SETBP1: variants seen among roughly 807,000 people sequenced by gnomAD.
The protein encoded by SETBP1 is SET binding protein 1.
SETBP1 carries 9 observed loss-of-function variants against 101.0 expected under a neutral mutation model. That is an observed-to-expected ratio of 0.09 (90% confidence interval 0.05 to 0.16). SETBP1 has a LOEUF of 0.16. SETBP1 is among the 10% of genes least tolerant of loss of function. The pLI, the probability that SETBP1 is intolerant of heterozygous loss-of-function variation, is 1.00. For synonymous variants in SETBP1, 818 were observed against 788.5 expected (o/e 1.04, Z -0.63); for missense variants, 1,858 against 2,033.8 (o/e 0.91, Z 1.66).
At chr18:44,990,643 AC>A (rs1441236898) in intron 4 of SETBP1, among the ~76,000 whole-genome samples, 7 of 151,938 alleles carry the variant, frequency 4.6e-5, no homozygotes, top group South Asian at 2.1e-4. Context: ...CCAAAAAAAA[AC>A]ATACACACAC....
chr18:44,913,972 T>C (rs1349064826), intron 3 of SETBP1, among the ~76,000 whole-genome samples: 8 of 151,918 alleles, frequency 5.3e-5, no homozygotes, highest in Non-Finnish European at 8.8e-5. Context: ...GTGAGCCAAA[T>C]AATAATAATA....
intron 2 of SETBP1, among the ~76,000 whole-genome samples, chr18:44,839,137 A>C (rs1015857780): frequency 2.0e-4 from 30 of 151,992 alleles, no homozygotes; most frequent in Non-Finnish European, 1.9e-4. Flanking sequence ...TACAGGATAG[A>C]CAGATGAGAG....
intron 5 of SETBP1, among the ~76,000 whole-genome samples, chr18:45,043,158 C>T (rs755872901): frequency 4.6e-5 from 7 of 152,068 alleles, no homozygotes; most frequent in Non-Finnish European, 7.4e-5. Flanking sequence ...AGGGAGATCA[C>T]GTAATGTATA....
chr18:44,979,341 T>C (rs1393630304), intron 4 of SETBP1, among the ~76,000 whole-genome samples: 1 of 152,238 alleles, frequency 6.6e-6, no homozygotes, highest in African/African-American at 2.4e-5. Context: ...CCCTTTGTTC[T>C]AGGATAATTT....
intron 2 of SETBP1, among the ~76,000 whole-genome samples, chr18:44,764,870 G>C (rs2070733399): frequency 6.6e-6 from 1 of 152,234 alleles, no homozygotes; most frequent in Non-Finnish European, 1.5e-5. Flanking sequence ...TGCTGTGCTA[G>C]AGTGGAAGCT....
At chr18:44,931,998 A>T in intron 3 of SETBP1, among the ~76,000 whole-genome samples, 1 of 152,092 alleles carries the variant, frequency 6.6e-6, no homozygotes. Context: ...TTAGCTGCTT[A>T]TTTTGCTTGT....
intron 2 of SETBP1, among the ~76,000 whole-genome samples, chr18:44,788,036 A>G (rs988923592): frequency 6.7e-6 from 1 of 150,290 alleles, no homozygotes; most frequent in African/African-American, 2.5e-5. Flanking sequence ...GAGCAGAGCT[A>G]TGCTTTAGAG....
intron 2 of SETBP1, among the ~76,000 whole-genome samples, chr18:44,782,832 T>C (rs1476253007): frequency 5.9e-5 from 9 of 152,198 alleles, no homozygotes; most frequent in Admixed American, 5.2e-4. Context: ...GAAGACAGCA[T>C]GCCAGGGTGA....
chr18:44,680,129 C>G (rs1229165972), upstream of SETBP1: 1 of 142,834 alleles, frequency 7.0e-6, no homozygotes, highest in East Asian at 2.1e-4. Context: ...TGATATCTCT[C>G]TCCATAAATC....
intron 3 of SETBP1, among the ~76,000 whole-genome samples, chr18:44,888,524 C>G (rs747000575): frequency 2.6e-5 from 4 of 152,080 alleles, no homozygotes; most frequent in African/African-American, 4.8e-5. Flanking sequence ...TGGTGCAAAG[C>G]AAATGTAGCA....
At chr18:44,812,325 A>AT (rs753101196) in intron 2 of SETBP1, among the ~76,000 whole-genome samples, 1 of 151,784 alleles carries the variant, frequency 6.6e-6, no homozygotes, top group African/African-American at 2.4e-5. Context: ...AAATTCAATA[A>AT]TTTTTTCTTG....
At chr18:44,992,579 A>G (rs1332130681) in intron 4 of SETBP1, among the ~76,000 whole-genome samples, 1 of 152,098 alleles carries the variant, frequency 6.6e-6, no homozygotes, top group African/African-American at 2.4e-5. Flanking sequence ...GAACAACTGT[A>G]TGTCAACATA....
intron 2 of SETBP1, among the ~76,000 whole-genome samples, chr18:44,723,228 T>G (rs2069637957): frequency 6.6e-6 from 1 of 152,178 alleles, no homozygotes; most frequent in African/African-American, 2.4e-5. Context: ...TCTCACTTCC[T>G]TTTATATGAG....
At chr18:44,985,598 T>C (rs1374531532) in intron 4 of SETBP1, among the ~76,000 whole-genome samples, 2 of 152,236 alleles carry the variant, frequency 1.3e-5, no homozygotes, top group Non-Finnish European at 2.9e-5. Context: ...TTCTTTTTCT[T>C]CTTTTAAATG....
intron 3 of SETBP1, among the ~76,000 whole-genome samples, chr18:44,945,798 A>G (rs2071192858): frequency 6.6e-6 from 1 of 152,188 alleles, no homozygotes; most frequent in Admixed American, 6.5e-5. Context: ...TCTCAATCTA[A>G]AGAGAAAAAG....
At chr18:44,843,320 A>C (rs2072659732) in intron 2 of SETBP1, among the ~76,000 whole-genome samples, 1 of 152,242 alleles carries the variant, frequency 6.6e-6, no homozygotes, top group Admixed American at 6.5e-5. Flanking sequence ...TCAACATTTG[A>C]AAATAAAGAG....
intron 4 of SETBP1, among the ~76,000 whole-genome samples, chr18:44,960,464 A>G (rs1313057365): frequency 6.6e-6 from 1 of 152,110 alleles, no homozygotes; most frequent in African/African-American, 2.4e-5. Context: ...GCCCCCAAGT[A>G]GCTAGGACTA....
chr18:44,890,139 C>T (rs1044786036), intron 3 of SETBP1, among the ~76,000 whole-genome samples: 1 of 152,012 alleles, frequency 6.6e-6, no homozygotes, highest in African/African-American at 2.4e-5. Flanking sequence ...TTGCAAGTTT[C>T]AAGGATACCA....
chr18:44,937,454 C>CAAAA (rs34414710), intron 3 of SETBP1, among the ~76,000 whole-genome samples: 6 of 83,328 alleles, frequency 7.2e-5, no homozygotes, highest in East Asian at 3.2e-4. Flanking sequence ...GACTCCGTCT[C>CAAAA]AAAAAAAAAA....
Sources: allele counts gnomAD v4.1 joint callset (sites outside exome capture counted in the v4.1 genomes callset), GRCh38; gene constraint gnomAD v4.1.1; transcripts MANE v1.5; gene names NCBI Gene and HGNC (gene_info 2026-07-23, HGNC 2026-07-21).